CSPG4: variants seen among roughly 807,000 people sequenced by gnomAD.
CSPG4 encodes the protein chondroitin sulfate proteoglycan 4.
Under a neutral mutation model 139.3 loss-of-function variants are expected in CSPG4, and 74 were observed. That is an observed-to-expected ratio of 0.53 (90% CI 0.44 to 0.64). CSPG4 has a LOEUF of 0.64. Ranked by LOEUF, CSPG4 falls within the 30% of genes least tolerant of loss-of-function variation. The probability of loss-of-function intolerance (pLI) is 0.00; values close to 1 mark genes in which losing one functional copy is unlikely to be tolerated. For missense variants in CSPG4, 2,565 were observed against 3,148.3 expected, an observed-to-expected ratio of 0.81 and a Z score of 4.43; for synonymous variants, 1,234 against 1,394.2, an observed-to-expected ratio of 0.89 and a Z score of 2.56.
chr15:75,693,266 A>G, intron 1 of CSPG4, 33 bp from the exon 2 acceptor site: 6 of 1,489,438 alleles, frequency 4.0e-6, no homozygotes, highest in Non-Finnish European at 4.5e-6. Flanking sequence ...GTCAAGGCTC[A>G]GACTCTTGCC....
rs1220755535 is a variant in CSPG4, at chr15:75,690,411, C to G, written c.654G>C (p.Trp218Cys). Reference protein sequence around the residue: ...GPHSLAAFPAWGTQDEGTLEF... With the variant: ...GPHSLAAFPACGTQDEGTLEF... Reference sequence around the variant, plus strand: ...CTAGGGTTCCTTCGTCCTGAGTGCCCCAGGCAGGGAAGGCAGCCAGAGAGT... The same window carrying G: ...CTAGGGTTCCTTCGTCCTGAGTGCCGCAGGCAGGGAAGGCAGCCAGAGAGT... The change falls in exon 3 of 10, where the codon TGG (tryptophan) becomes TGC (cysteine). Residue 218 changes from tryptophan (W) to cysteine (C), a missense_variant. This residue lies in a region of CSPG4 where 40 missense variants were observed against 89.0 expected (regional missense o/e 0.45). Transcript: ENST00000308508. 4 of 1,608,214 alleles carry G rather than the reference C, an allele frequency of 2.5e-6. No homozygotes were observed. Among genetic ancestry groups the G allele is most frequent in the Non-Finnish European group, 3.4e-6 (4 of 1,177,702 alleles).
At chr15:75,680,935 G>A (rs1356018519) in intron 8 of CSPG4, among the ~76,000 whole-genome samples, 1 of 152,122 alleles carries the variant, frequency 6.6e-6, no homozygotes, top group Non-Finnish European at 1.5e-5. Context: ...CTGACCCCCT[G>A]GTGTCCATTC....
chr15:75,677,656 T>C, intron 9 of CSPG4, 47 bp downstream of exon 9: 1 of 1,540,082 alleles, frequency 6.5e-7, no homozygotes, highest in Non-Finnish European at 8.8e-7. Flanking sequence ...CCTGGGCCTC[T>C]CCCATTGTCC....
In CSPG4 at chr15:75,675,693, G is replaced by A. The variant is rs748434385; in HGVS notation, c.6826C>T (p.Arg2276Cys). The A allele has an allele frequency of 2.6e-5, 40 of 1,560,664 alleles. No individual in the cohort carries two copies. Among genetic ancestry groups the A allele is most frequent in the Middle Eastern group, 3.5e-4 (2 of 5,758 alleles). ...ATGGCCTGGCCTGGCTCCACCTTGC[G>A]AAAGGTCTCGGTGTCACCAGCCAGG... ...NGLAGDTETF[R>C]KVEPGQAIPL... Residue 2276 changes from arginine (R) to cysteine (C), a missense_variant, in exon 10 of 10, where the codon CGC becomes TGC. Around this residue, in one of 5 missense-constraint regions of CSPG4, gnomAD observed 2,316 missense variants for 2,818.2 expected, o/e 0.82. Transcript: ENST00000308508.
intron 1 of CSPG4, among the ~76,000 whole-genome samples, chr15:75,700,207 T>C (rs1457781709): frequency 1.3e-5 from 2 of 152,276 alleles, no homozygotes; most frequent in Non-Finnish European, 2.9e-5. Flanking sequence ...GCACCGTGTG[T>C]GCACCCAGAG....
chr15:75,704,967 C>A (rs1194635966), intron 1 of CSPG4, among the ~76,000 whole-genome samples: 6 of 152,212 alleles, frequency 3.9e-5, no homozygotes, highest in African/African-American at 9.7e-5. Context: ...TGGTAGAGAG[C>A]AGGGAAAAGA....
At position 75,712,725 on chromosome 15, in the gene CSPG4, C is replaced by A; in HGVS notation, c.31G>T (p.Ala11Ser). Residue 11 changes from alanine to serine, a missense_variant, in exon 1 of 10, where the codon GCC becomes TCC. Ala to Ser is a moderately conservative substitution (Grantham distance 99, BLOSUM62 1). This residue lies in a region of CSPG4 where 47 missense variants were observed against 48.7 expected (regional missense o/e 0.97). Transcript: ENST00000308508. Reference protein sequence around the residue: MQSGPRPPLPAPGLALALTLT... With the variant: MQSGPRPPLPSPGLALALTLT... ...GTCAAAGCCAAGGCCAGGCCGGGGGCTGGAAGTGGGGGCCGCGGCCCGGAC... is the reference window on the plus strand; with the variant it reads ...GTCAAAGCCAAGGCCAGGCCGGGGGATGGAAGTGGGGGCCGCGGCCCGGAC... 1 of 1,561,044 alleles carries A rather than the reference C, an allele frequency of 6.4e-7. No homozygotes were observed. The highest frequency in any genetic ancestry group is 1.9e-5 in the Admixed American group (1 of 52,112).
At chr15:75,699,328 T>A (rs1308764601) in intron 1 of CSPG4, among the ~76,000 whole-genome samples, 1 of 152,238 alleles carries the variant, frequency 6.6e-6, no homozygotes, top group Non-Finnish European at 1.5e-5. Context: ...TCAGCTGACC[T>A]TCTGTTTAGT....
In CSPG4 at chr15:75,684,763, G is replaced by C; in HGVS notation, c.4422C>G (p.Pro1474=). ...VTVLPVNDQP[P]ILTTNTGLQM... ...GCAGGCCTGTGTTTGTAGTGAGGAT[G>C]GGGGGTTGGTCATTGACAGGCAGGA... Residue 1474 remains proline, a synonymous_variant, in exon 5 of 10, where the codon CCC becomes CCG. Transcript: ENST00000308508. The C allele has an allele frequency of 1.9e-6, 3 of 1,613,756 alleles. No individual in the cohort carries two copies. Among genetic ancestry groups the C allele is most frequent in the South Asian group, 1.1e-5 (1 of 91,076 alleles).
At chr15:75,678,771 C>G (rs774975147) in intron 8 of CSPG4, 1 of 456,332 alleles carries the variant, frequency 2.2e-6, no homozygotes, top group South Asian at 1.5e-5. Context: ...ATTCTTGGGT[C>G]TCTCTACCCA....
chr15:75,690,265 C>A lies in CSPG4; in HGVS notation c.800G>T (p.Gly267Val). The change falls in exon 3 of 10, where the codon GGC becomes GTC. Residue 267 changes from glycine to valine, a missense_variant. Coordinates refer to ENST00000308508, the MANE Select transcript of CSPG4 (RefSeq NM_001897.5). ...EGHLRAVVEK[G>V]QGTVLLHNSV... ...GTTGTGGAGCAATACGGTACCCTGGCCCTTCTCCACCACGGCCCGCAGGTG... is the reference window on the plus strand; with the variant it reads ...GTTGTGGAGCAATACGGTACCCTGGACCTTCTCCACCACGGCCCGCAGGTG... 1 of 1,613,256 alleles carries A rather than the reference C, an allele frequency of 6.2e-7. No individual in the cohort carries two copies. The highest frequency in any genetic ancestry group is 8.5e-7 in the Non-Finnish European group (1 of 1,179,800).
chr15:75,678,030 A>T, intron 8 of CSPG4, 144 bp from the exon 9 acceptor site: 2 of 702,900 alleles, frequency 2.8e-6, no homozygotes. Flanking sequence ...TCCCTCACTA[A>T]CTCACTGGGT....
Position 75,685,364 on chromosome 15 carries a change from G to C in CSPG4, c.4127C>G (p.Ala1376Gly), listed in dbSNP as rs375081442. The C allele has an allele frequency of 3.7e-6, 6 of 1,610,120 alleles. No individual in the cohort carries two copies. In the Admixed American group the frequency reaches 5.0e-5, roughly 13 times the overall value. Reference sequence around the variant, plus strand: ...CCCGGAGACACGGAGCAGTGGAGGGGCCAGGGTGAGGCTGCCACCCTCAGG... The same window carrying C: ...CCCGGAGACACGGAGCAGTGGAGGGCCCAGGGTGAGGCTGCCACCCTCAGG... ...SVPEGGSLTL[A>G]PPLLRVSGPY... The change falls in exon 4 of 10, where the codon GCC becomes GGC. Residue 1376 changes from alanine (A) to glycine (G), a missense_variant. By Grantham distance (60) the Ala-to-Gly change is moderately conservative. Around this residue, in one of 5 missense-constraint regions of CSPG4, gnomAD observed 2,316 missense variants for 2,818.2 expected, o/e 0.82. Transcript: ENST00000308508.
At chr15:75,705,536 T>C (rs1370953239) in intron 1 of CSPG4, among the ~76,000 whole-genome samples, 2 of 152,254 alleles carry the variant, frequency 1.3e-5, no homozygotes, top group Non-Finnish European at 2.9e-5. Context: ...GTTGGAATTA[T>C]TTATCCCCAT....
Position 75,689,854 on chromosome 15 carries a change from T to C in CSPG4, c.1211A>G (p.Glu404Gly), listed in dbSNP as rs1566974959. The C allele has an allele frequency of 1.9e-6, 3 of 1,612,514 alleles. No homozygotes were observed. In the East Asian group the frequency reaches 6.7e-5, roughly 36 times the overall value. ...AGGCAGCTCCATGGCTGGCCAAGCCTCAGGGGCCAGGGTGGAGAAAGCTTC... is the reference window on the plus strand; with the variant it reads ...AGGCAGCTCCATGGCTGGCCAAGCCCCAGGGGCCAGGGTGGAGAAAGCTTC... Reference protein sequence around the residue: ...HYEAFSTLAPEAWPAMELPEP... With the variant: ...HYEAFSTLAPGAWPAMELPEP... The change falls in exon 3 of 10, where the codon GAG (glutamate) becomes GGG (glycine). Residue 404 changes from glutamate to glycine, a missense_variant. By Grantham distance (98) the Glu-to-Gly change is moderately conservative (BLOSUM62 -2). Coordinates refer to ENST00000308508, the MANE Select transcript of CSPG4 (RefSeq NM_001897.5).
chr15:75,707,440 A>G (rs1232265470), intron 1 of CSPG4, among the ~76,000 whole-genome samples: 1 of 152,244 alleles, frequency 6.6e-6, no homozygotes, highest in Non-Finnish European at 1.5e-5. Flanking sequence ...AAAGCCAAAA[A>G]ATTCCAAAAT....
Position 75,682,712 on chromosome 15 carries a change from G to A in CSPG4, c.4678C>T (p.Leu1560Phe). The change falls in exon 7 of 10, where the codon CTC becomes TTC. Residue 1560 changes from leucine (L) to phenylalanine (F), a missense_variant. Around this residue, in one of 5 missense-constraint regions of CSPG4, gnomAD observed 2,316 missense variants for 2,818.2 expected, o/e 0.82. Transcript: ENST00000308508. ...GTLDGGFRFR[L>F]SDGEHTSPGH... Reference sequence around the variant, plus strand: ...GGGGAAGTGTGCTCGCCGTCAGAGAGGCGGAAGCGGAAGCCTCCATCCAGG... The same window carrying A: ...GGGGAAGTGTGCTCGCCGTCAGAGAAGCGGAAGCGGAAGCCTCCATCCAGG... The A allele has an allele frequency of 6.2e-7, 1 of 1,612,962 alleles. No homozygotes were observed. The highest frequency in any genetic ancestry group is 8.5e-7 in the Non-Finnish European group (1 of 1,180,024).
In CSPG4 at chr15:75,677,787, G is replaced by A. The variant is rs147939771; in HGVS notation, c.5050C>T (p.Arg1684Trp). The A allele has an allele frequency of 3.8e-5, 62 of 1,611,786 alleles. No homozygotes were observed. Among genetic ancestry groups the A allele is most frequent in the African/African-American group, 1.9e-4 (14 of 74,752 alleles). ...ACAGCAAGGGTGGCGGCCACGTCCC[G>A]GGCAGGCGGCGAGGACAGCTGGAGC... ...LELQLSSPPA[R>W]DVAATLAVAV... Residue 1684 changes from arginine (R) to tryptophan (W), a missense_variant, in exon 9 of 10, where the codon CGG becomes TGG. Coordinates refer to ENST00000308508, the MANE Select transcript of CSPG4 (RefSeq NM_001897.5).
chr15:75,697,276 C>T (rs1413555258), intron 1 of CSPG4, among the ~76,000 whole-genome samples: 1 of 152,080 alleles, frequency 6.6e-6, no homozygotes, highest in African/African-American at 2.4e-5. Context: ...TCTTTGGCTC[C>T]CTCTTCCCTC....
Sources: gnomAD v4.1 joint callset for allele counts (sites outside exome capture counted in the v4.1 genomes callset) on GRCh38, gnomAD v4.1.1 for gene constraint, gnomAD v4.1.1 regional missense constraint, MANE v1.5 for transcripts, NCBI Gene and HGNC (gene_info 2026-07-23, HGNC 2026-07-21) for gene names.